Variants in LRRC7 observed in about 807,000 individuals in gnomAD.
LRRC7 encodes the protein leucine rich repeat containing 7.
Under a neutral mutation model 175.7 loss-of-function variants are expected in LRRC7, and 23 were observed. That is an observed-to-expected ratio of 0.13 (90% confidence interval 0.09 to 0.19). The LOEUF (loss-of-function observed/expected upper bound fraction) is 0.19, where lower values mean the gene tolerates loss of function less well. Ranked by LOEUF, LRRC7 falls within the 10% of genes least tolerant of loss-of-function variation. The pLI, the probability that LRRC7 is intolerant of heterozygous loss-of-function variation, is 1.00. For missense variants in LRRC7, 1,354 were observed against 1,904.7 expected (o/e 0.71, Z 5.38); for synonymous variants, 685 against 680.9 (o/e 1.01, Z -0.09).
At chr1:70,009,355 CTTTTT>C (rs11286744) in intron 11 of LRRC7, among the ~76,000 whole-genome samples, 1 of 132,630 alleles carries the variant, frequency 7.5e-6, no homozygotes. Context: ...TTCTTTCTTT[CTTTTT>C]TTTTTTTTTT....
intron 4 of LRRC7, among the ~76,000 whole-genome samples, chr1:69,804,837 C>T (rs1676928842): frequency 6.6e-6 from 1 of 151,590 alleles, no homozygotes; most frequent in Non-Finnish European, 1.5e-5. Context: ...TTTGTGGAGA[C>T]AATACCTGGT....
intron 8 of LRRC7, among the ~76,000 whole-genome samples, chr1:69,942,125 A>G (rs945871962): frequency 1.3e-5 from 2 of 152,120 alleles, no homozygotes; most frequent in African/African-American, 4.8e-5. Flanking sequence ...GTGAGTGGGC[A>G]CAGTGGGCAG....
At chr1:69,696,567 G>A (rs147938966) in intron 2 of LRRC7, among the ~76,000 whole-genome samples, 7 of 152,202 alleles carry the variant, frequency 4.6e-5, no homozygotes, top group Admixed American at 2.6e-4. Context: ...GGAGGGACAG[G>A]AGTGGAATGA....
intron 25 of LRRC7, among the ~76,000 whole-genome samples, chr1:70,090,979 A>C (rs1232780014): frequency 2.0e-5 from 3 of 152,086 alleles, no homozygotes; most frequent in East Asian, 3.9e-4. Context: ...AGGTTGGTCC[A>C]AAAGGAAGAA....
chr1:69,658,982 G>C (rs1328101606), intron 1 of LRRC7, among the ~76,000 whole-genome samples: 1 of 152,036 alleles, frequency 6.6e-6, no homozygotes, highest in Non-Finnish European at 1.5e-5. Context: ...AAAAGGAGAG[G>C]TTACAAGAAA....
At chr1:69,816,884 A>T (rs1678664164) in intron 4 of LRRC7, among the ~76,000 whole-genome samples, 1 of 151,992 alleles carries the variant, frequency 6.6e-6, no homozygotes, top group Non-Finnish European at 1.5e-5. Flanking sequence ...CGTATAAGTG[A>T]TGTGATGCCA....
chr1:70,008,020 G>GATAT (rs145629905), intron 11 of LRRC7, among the ~76,000 whole-genome samples: 3 of 151,148 alleles, frequency 2.0e-5, no homozygotes, highest in East Asian at 3.9e-4. Context: ...ACTAATCAGA[G>GATAT]ATATATATAT....
chr1:69,588,068 C>A (rs1646475398), intron 1 of LRRC7, among the ~76,000 whole-genome samples: 1 of 152,148 alleles, frequency 6.6e-6, no homozygotes. Flanking sequence ...TCCTTCTATT[C>A]ATTCCTTAGG....
At chr1:69,944,624 A>G (rs1231636434) in intron 8 of LRRC7, among the ~76,000 whole-genome samples, 1 of 152,016 alleles carries the variant, frequency 6.6e-6, no homozygotes, top group Non-Finnish European at 1.5e-5. Context: ...GTTCCCACCA[A>G]CAGTACATAA....
At chr1:69,795,342 T>C (rs909814529) in intron 4 of LRRC7, among the ~76,000 whole-genome samples, 1 of 149,906 alleles carries the variant, frequency 6.7e-6, no homozygotes. Flanking sequence ...GCCACTGCAC[T>C]CTAGCCTGGA....
chr1:69,986,201 A>G (rs1179269647), intron 9 of LRRC7, 41 bp from the exon 10 acceptor site: 2 of 1,582,376 alleles, frequency 1.3e-6, no homozygotes, highest in South Asian at 2.3e-5. Flanking sequence ...TGTCTTGTGA[A>G]AGTCTCTCAA....
intron 24 of LRRC7, among the ~76,000 whole-genome samples, chr1:70,088,906 C>G (rs938052324): frequency 9.2e-5 from 14 of 152,162 alleles, no homozygotes; most frequent in African/African-American, 3.4e-4. Flanking sequence ...TTCCCCCATA[C>G]TACTATAAAA....
At chr1:69,692,295 C>G (rs1199765566) in intron 2 of LRRC7, among the ~76,000 whole-genome samples, 2 of 152,202 alleles carry the variant, frequency 1.3e-5, no homozygotes, top group African/African-American at 4.8e-5. Context: ...AATCACCTCA[C>G]TTCCTAACGG....
At chr1:69,920,071 A>G in intron 7 of LRRC7, 2 of 299,490 alleles carry the variant, frequency 6.7e-6, no homozygotes, top group Non-Finnish European at 1.2e-5. Context: ...AGTTGACTTC[A>G]GCATGGGAGG....
chr1:69,705,610 G>T (rs1039254865), intron 2 of LRRC7, among the ~76,000 whole-genome samples: 1 of 152,102 alleles, frequency 6.6e-6, no homozygotes, highest in African/African-American at 2.4e-5. Flanking sequence ...CTTGACATTA[G>T]AGAAGAGTGG....
intron 1 of LRRC7, among the ~76,000 whole-genome samples, chr1:69,609,169 T>G (rs1229650878): frequency 6.6e-6 from 1 of 151,656 alleles, no homozygotes; most frequent in Non-Finnish European, 1.5e-5. Flanking sequence ...ACTCCACAAT[T>G]TGACCTTGGG....
chr1:69,698,821 G>A (rs957142787), intron 2 of LRRC7, among the ~76,000 whole-genome samples: 5 of 152,144 alleles, frequency 3.3e-5, no homozygotes, highest in African/African-American at 1.2e-4. Flanking sequence ...TGGTCTCAAT[G>A]TTGTTGTTAG....
At chr1:69,933,178 C>T (rs1470393286) in intron 8 of LRRC7, among the ~76,000 whole-genome samples, 1 of 152,162 alleles carries the variant, frequency 6.6e-6, no homozygotes, top group Non-Finnish European at 1.5e-5. Context: ...CTGAGAGACA[C>T]CAAGTAAAGC....
At chr1:69,915,822 A>G (rs562238598) in intron 7 of LRRC7, among the ~76,000 whole-genome samples, 3 of 151,644 alleles carry the variant, frequency 2.0e-5, no homozygotes, top group African/African-American at 7.2e-5. Context: ...GTCAGGCACT[A>G]TTTACATGGT....
Sources: gnomAD v4.1 joint callset for allele counts (sites outside exome capture counted in the v4.1 genomes callset) on GRCh38, gnomAD v4.1.1 for gene constraint, MANE v1.5 for transcripts, NCBI Gene and HGNC (gene_info 2026-07-23, HGNC 2026-07-21) for gene names.